RAB3C: variants seen among roughly 807,000 people sequenced by gnomAD.
RAB3C encodes RAB3C, member RAS oncogene family.
In RAB3C, 17 loss-of-function variants were observed where a neutral mutation model predicts 26.4. That is an observed-to-expected ratio of 0.64 (90% CI 0.44 to 0.97). The LOEUF is 0.97. RAB3C is among the 50% of genes least tolerant of loss of function. The pLI is 0.00. For synonymous variants in RAB3C, 91 were observed against 95.9 expected, an observed-to-expected ratio of 0.95 and a Z score of 0.30; for missense variants, 242 against 281.9, an observed-to-expected ratio of 0.86 and a Z score of 1.01.
At chr5:58,652,684 T>G (rs1747682501) in intron 2 of RAB3C, among the ~76,000 whole-genome samples, 1 of 124,966 alleles carries the variant, frequency 8.0e-6, no homozygotes, top group Non-Finnish European at 1.7e-5. Context: ...GTTTAGGGGT[T>G]TTTATCTTGA....
At chr5:58,747,248 A>G (rs946269481) in intron 3 of RAB3C, among the ~76,000 whole-genome samples, 9 of 152,240 alleles carry the variant, frequency 5.9e-5, no homozygotes, top group African/African-American at 1.9e-4. Context: ...AAATAAAACT[A>G]TAAACTGTCC....
At chr5:58,788,153 C>G (rs1742433855) in intron 3 of RAB3C, 1 of 152,246 alleles carries the variant, frequency 6.6e-6, no homozygotes, top group Non-Finnish European at 1.5e-5. Context: ...AACTGATGTA[C>G]GTAAAGCAAG....
intron 2 of RAB3C, among the ~76,000 whole-genome samples, chr5:58,685,173 A>C (rs1748418441): frequency 6.6e-6 from 1 of 152,150 alleles, no homozygotes. Context: ...GTTTTGTACT[A>C]TCCATGGTTT....
chr5:58,809,372 G>T, intron 3 of RAB3C, among the ~76,000 whole-genome samples: 1 of 132,040 alleles, frequency 7.6e-6, no homozygotes, highest in South Asian at 2.5e-4. Context: ...GGTTTTGAAA[G>T]CTCTTTTTCT....
intron 3 of RAB3C, chr5:58,823,250 G>A (rs1743386526): frequency 4.0e-6 from 1 of 250,772 alleles, no homozygotes; most frequent in African/African-American, 2.2e-5. Flanking sequence ...TATTGGCTGG[G>A]CACGGTGGCT....
chr5:58,591,846 T>A (rs1341391957), intron 1 of RAB3C, among the ~76,000 whole-genome samples: 1 of 150,926 alleles, frequency 6.6e-6, no homozygotes, highest in Admixed American at 6.6e-5. Context: ...TTTGCTTAAT[T>A]ACATATTTTT....
At chr5:58,827,603 T>C (rs1743515372) in intron 4 of RAB3C, among the ~76,000 whole-genome samples, 1 of 152,254 alleles carries the variant, frequency 6.6e-6, no homozygotes, top group Admixed American at 6.5e-5. Context: ...TAGACAGATG[T>C]AGCAAAGTTC....
At position 58,855,840 on chromosome 5, in the gene RAB3C, T is replaced by G. The variant is rs1379986795; in HGVS notation, c.*4489T>G. On this transcript the variant is annotated 3_prime_UTR_variant, in exon 5 of 5. Coordinates refer to ENST00000282878, the MANE Select transcript of RAB3C (RefSeq NM_138453.4). ...TAAAGGGCTCTAGGTTGTAGAAATA[T>G]AGTACCCCCTAACAGGGAAAAACCA... 6.6e-6 allele frequency: 1 copy of G among 152,332 alleles called. No homozygotes were observed. Among genetic ancestry groups the G allele is most frequent in the African/African-American group, 2.4e-5 (1 of 41,576 alleles). The allele number at this position is 152,332 out of a possible 1,614,324, so 9.4% of individuals were successfully genotyped here. A position where few individuals can be genotyped will look rare whatever the true frequency, so the allele number is the denominator to read the frequency against.
intron 3 of RAB3C, chr5:58,822,664 G>A (rs1743369420): frequency 9.8e-6 from 4 of 406,950 alleles, no homozygotes; most frequent in Admixed American, 8.8e-5. Context: ...GATAGTCTGT[G>A]TAACAAACAG....
chr5:58,665,878 C>T (rs1057398724), intron 2 of RAB3C, among the ~76,000 whole-genome samples: 2 of 152,102 alleles, frequency 1.3e-5, no homozygotes, highest in Non-Finnish European at 2.9e-5. Flanking sequence ...AGCTTATTTT[C>T]TTTGAAACTC....
chr5:58,759,629 C>A (rs913912711), intron 3 of RAB3C, among the ~76,000 whole-genome samples: 2 of 152,166 alleles, frequency 1.3e-5, no homozygotes, highest in African/African-American at 2.4e-5. Context: ...GCTTTAATTA[C>A]ATATTAGAAA....
At chr5:58,633,421 G>A (rs577473019) in intron 2 of RAB3C, among the ~76,000 whole-genome samples, 2 of 152,236 alleles carry the variant, frequency 1.3e-5, no homozygotes, top group East Asian at 3.9e-4. Flanking sequence ...AAGACATCTA[G>A]CCCACAGGGA....
At chr5:58,848,003 C>A (rs1744040357) in intron 4 of RAB3C, among the ~76,000 whole-genome samples, 1 of 152,132 alleles carries the variant, frequency 6.6e-6, no homozygotes, top group Non-Finnish European at 1.5e-5. Context: ...ACTACAGGCA[C>A]ATGCCACAAC....
intron 3 of RAB3C, among the ~76,000 whole-genome samples, chr5:58,756,080 C>A (rs990208951): frequency 6.6e-6 from 1 of 151,314 alleles, no homozygotes; most frequent in Admixed American, 6.6e-5. Context: ...TACCCATACA[C>A]CCTTTTCCCA....
chr5:58,613,700 C>A lies in RAB3C; in HGVS notation c.25-3943C>A, dbSNP rs539855096. On this transcript the variant is annotated intron_variant, in intron 1 of 4. Transcript: ENST00000282878. ...CAAGTGTGATAAGATATAATGGTTT[C>A]ATTCTACTTTGGACTAAGTAGGTAA... Among the ~76,000 whole-genome samples, 32 of 152,182 alleles carry A rather than the reference C, an allele frequency of 2.1e-4. No homozygotes were observed. In the South Asian group the frequency reaches 5.4e-3, roughly 26 times the overall value.
chr5:58,590,551 A>G (rs1473012199), intron 1 of RAB3C, among the ~76,000 whole-genome samples: 1 of 151,584 alleles, frequency 6.6e-6, no homozygotes, highest in African/African-American at 2.4e-5. Flanking sequence ...TTATTTATTT[A>G]TTTATTTTGA....
At chr5:58,814,458 AGT>A in intron 3 of RAB3C, among the ~76,000 whole-genome samples, 1 of 152,322 alleles carries the variant, frequency 6.6e-6, no homozygotes, top group African/African-American at 2.4e-5. Flanking sequence ...CTGGGTTCTA[AGT>A]TTAGCTTCCC....
At chr5:58,646,826 C>T (rs1170729640) in intron 2 of RAB3C, among the ~76,000 whole-genome samples, 3 of 152,000 alleles carry the variant, frequency 2.0e-5, no homozygotes, top group Non-Finnish European at 4.4e-5. Context: ...CAGTCATGGC[C>T]GACATATTCA....
At chr5:58,752,508 C>A (rs1301000805) in intron 3 of RAB3C, among the ~76,000 whole-genome samples, 1 of 151,540 alleles carries the variant, frequency 6.6e-6, no homozygotes, top group Non-Finnish European at 1.5e-5. Flanking sequence ...AAGACATATT[C>A]CGTGTTAAAC....
Sources: gnomAD v4.1 joint callset for allele counts (sites outside exome capture counted in the v4.1 genomes callset) on GRCh38, gnomAD v4.1.1 for gene constraint, MANE v1.5 for transcripts, NCBI Gene and HGNC (gene_info 2026-07-23, HGNC 2026-07-21) for gene names.